The following KCNIP1 variants were observed in gnomAD, a reference collection of about 807,000 sequenced individuals.
KCNIP1 encodes the protein A-type potassium channel modulatory protein KCNIP1.
A neutral mutation model predicts 33.0 loss-of-function variants in KCNIP1; 18 were observed. The ratio of observed to expected loss-of-function variants is 0.55; its 90% confidence interval spans 0.38 to 0.81. The LOEUF is 0.81. Ranked by LOEUF, KCNIP1 falls within the 30% of genes least tolerant of loss-of-function variation. The pLI is 0.00. For synonymous variants in KCNIP1, 93 were observed against 98.3 expected (o/e 0.95, Z 0.32); for missense variants, 238 against 271.6 (o/e 0.88, Z 0.87).
chr5:170,695,791 C>A (rs989367900), intron 1 of KCNIP1, among the ~76,000 whole-genome samples: 1 of 152,122 alleles, frequency 6.6e-6, no homozygotes, highest in Admixed American at 6.5e-5. Context: ...GAGGCCAAGG[C>A]GGGTGGATCA....
intron 1 of KCNIP1, among the ~76,000 whole-genome samples, chr5:170,541,192 C>T (rs1756194184): frequency 6.6e-6 from 1 of 152,158 alleles, no homozygotes; most frequent in African/African-American, 2.4e-5. Flanking sequence ...AAAAGGATGA[C>T]CTCTGAGGTC....
intron 1 of KCNIP1, among the ~76,000 whole-genome samples, chr5:170,695,853 T>C (rs898845436): frequency 3.3e-5 from 5 of 152,072 alleles, no homozygotes; most frequent in African/African-American, 1.2e-4. Flanking sequence ...ACCCCGTCTC[T>C]ACTAAAAATA....
intron 1 of KCNIP1, among the ~76,000 whole-genome samples, chr5:170,418,945 G>A (rs1755405786): frequency 6.6e-6 from 1 of 152,110 alleles, no homozygotes; most frequent in African/African-American, 2.4e-5. Flanking sequence ...CATTTTTCAC[G>A]TGCCATTTGA....
chr5:170,699,526 G>A (rs918253204), intron 1 of KCNIP1, among the ~76,000 whole-genome samples: 4 of 141,734 alleles, frequency 2.8e-5, no homozygotes, highest in African/African-American at 1.0e-4. Context: ...GGGTCATGAG[G>A]TAACTAAAAT....
intron 1 of KCNIP1, among the ~76,000 whole-genome samples, chr5:170,674,610 G>T (rs1396452379): frequency 6.6e-6 from 1 of 152,156 alleles, no homozygotes; most frequent in Non-Finnish European, 1.5e-5. Flanking sequence ...AATGAAGAAT[G>T]GGCCCTGCAG....
intron 1 of KCNIP1, among the ~76,000 whole-genome samples, chr5:170,603,726 C>A (rs1028781080): frequency 3.3e-5 from 5 of 152,170 alleles, no homozygotes; most frequent in Non-Finnish European, 7.4e-5. Flanking sequence ...AAGAGCCTGC[C>A]ACACTCTCAG....
At chr5:170,447,290 C>T (rs1756144676) in intron 1 of KCNIP1, among the ~76,000 whole-genome samples, 1 of 150,392 alleles carries the variant, frequency 6.6e-6, no homozygotes, top group Admixed American at 6.8e-5. Context: ...GGTCAAATAA[C>T]AGGACCACGG....
chr5:170,589,357 C>A (rs969717951), intron 1 of KCNIP1, among the ~76,000 whole-genome samples: 1 of 152,118 alleles, frequency 6.6e-6, no homozygotes, highest in African/African-American at 2.4e-5. Flanking sequence ...GAACCAAATA[C>A]GTGGTATCTG....
At chr5:170,639,424 G>A (rs1383429709) in intron 1 of KCNIP1, 1 of 152,218 alleles carries the variant, frequency 6.6e-6, no homozygotes, top group Non-Finnish European at 1.5e-5. Flanking sequence ...TGAGTGAAAT[G>A]GACATACCTC....
At chr5:170,607,459 C>A (rs990694987) in intron 1 of KCNIP1, among the ~76,000 whole-genome samples, 1 of 152,170 alleles carries the variant, frequency 6.6e-6, no homozygotes, top group Non-Finnish European at 1.5e-5. Flanking sequence ...TTTCCTACTT[C>A]TACAGTGACC....
chr5:170,546,673 G>A lies in KCNIP1; in HGVS notation c.61+42040G>A, dbSNP rs188629676. Among the ~76,000 whole-genome samples the A allele has an allele frequency of 7.0e-4, 107 of 152,172 alleles. 1 individual carries two copies. The highest frequency in any genetic ancestry group is 1.3e-3 in the Admixed American group (20 of 15,268). ...TGTCTTCAAATTTTCTATTTTTGCG[G>A]CTTTTCTTTTTTTTTCTTAATAGTT... On this transcript the variant is annotated intron_variant, in intron 1 of 7. Transcript: ENST00000328939.
At chr5:170,531,871 T>C (rs919856548) in intron 1 of KCNIP1, among the ~76,000 whole-genome samples, 2 of 137,486 alleles carry the variant, frequency 1.5e-5, no homozygotes, top group African/African-American at 5.5e-5. Flanking sequence ...TCCTCTAGAA[T>C]CCTCTAGAAT....
At chr5:170,680,881 G>T in intron 1 of KCNIP1, 1 of 394,564 alleles carries the variant, frequency 2.5e-6, no homozygotes, top group Non-Finnish European at 4.5e-6. Context: ...GAGATTACCA[G>T]GTAGGAGGAG....
chr5:170,600,883 T>C (rs925205538), intron 1 of KCNIP1, among the ~76,000 whole-genome samples: 1 of 152,306 alleles, frequency 6.6e-6, no homozygotes, highest in South Asian at 2.1e-4. Context: ...AATTGATTAG[T>C]GCAGGGTCTG....
chr5:170,468,518 T>C (rs775800658), intron 1 of KCNIP1, among the ~76,000 whole-genome samples: 2 of 152,150 alleles, frequency 1.3e-5, no homozygotes, highest in African/African-American at 2.4e-5. Context: ...AAGAAACCTT[T>C]CATCAATATT....
intron 1 of KCNIP1, among the ~76,000 whole-genome samples, chr5:170,445,998 C>A (rs970102997): frequency 6.6e-6 from 1 of 152,196 alleles, no homozygotes; most frequent in Non-Finnish European, 1.5e-5. Context: ...TTCATTCAGT[C>A]CTTCATAAGC....
chr5:170,606,284 A>G (rs925025175), intron 1 of KCNIP1, among the ~76,000 whole-genome samples: 17 of 152,162 alleles, frequency 1.1e-4, no homozygotes, highest in Non-Finnish European at 2.5e-4. Context: ...GTTGGCTCAT[A>G]TGGTAACTCT....
chr5:170,551,140 C>A (rs960265205), intron 1 of KCNIP1, among the ~76,000 whole-genome samples: 2 of 152,166 alleles, frequency 1.3e-5, no homozygotes, highest in Non-Finnish European at 2.9e-5. Context: ...GTGTTTTCTC[C>A]TTCTTGTCTT....
At chr5:170,365,962 C>T (rs1246478825) in intron 1 of KCNIP1, among the ~76,000 whole-genome samples, 3 of 152,192 alleles carry the variant, frequency 2.0e-5, no homozygotes, top group East Asian at 3.8e-4. Context: ...CTTAAATCTC[C>T]CTCATTGCAT....
Sources: gnomAD v4.1 joint callset for allele counts (sites outside exome capture counted in the v4.1 genomes callset) on GRCh38, gnomAD v4.1.1 for gene constraint, MANE v1.5 for transcripts, NCBI Gene and HGNC (gene_info 2026-07-23, HGNC 2026-07-21) for gene names.